Variants in SMARCD3 observed in about 807,000 individuals in gnomAD.
SMARCD3 encodes SWI/SNF related BAF chromatin remodeling complex subunit D3.
Under a neutral mutation model 58.0 loss-of-function variants are expected in SMARCD3, and 14 were observed. That is an observed-to-expected ratio of 0.24 (90% CI 0.16 to 0.38). SMARCD3 has a LOEUF of 0.38. Ranked by LOEUF, SMARCD3 falls within the 10% of genes least tolerant of loss-of-function variation. SMARCD3 has a pLI of 1.00. For missense variants in SMARCD3, 408 were observed against 636.9 expected (o/e 0.64, Z 3.87); for synonymous variants, 253 against 253.8 (o/e 1.00, Z 0.03).
chr7:151,264,138 A>C (rs1159081317), intron 2 of SMARCD3, among the ~76,000 whole-genome samples: 1 of 149,190 alleles, frequency 6.7e-6, no homozygotes, highest in African/African-American at 2.5e-5. Flanking sequence ...GGCTCACTGC[A>C]ACCTCTGCCT....
At position 151,246,305 on chromosome 7, in the gene SMARCD3, C is replaced by G. The variant is rs1373640739; in HGVS notation, c.79-634G>C. Among the ~76,000 whole-genome samples, 1 of 152,176 alleles carries G rather than the reference C, an allele frequency of 6.6e-6. No individual in the cohort carries two copies. The highest frequency in any genetic ancestry group is 1.5e-5 in the Non-Finnish European group (1 of 68,024). On this transcript the variant is annotated intron_variant, in intron 1 of 12. Coordinates refer to ENST00000262188, the MANE Select transcript of SMARCD3 (RefSeq NM_001003801.2). The surrounding 1 kb of genome is among the most constrained non-coding windows in gnomAD (Gnocchi z 4.4). The stretch of plus-strand genomic sequence containing the variant: ...CTCAGCCACTCTGCTCCCTGTGTCC[C>G]TGCTTTTGACCCTTGGGTCCCAAAC...
chr7:151,259,616 T>TTTTTTG (rs1803849176), intron 2 of SMARCD3, among the ~76,000 whole-genome samples: 2 of 125,664 alleles, frequency 1.6e-5, no homozygotes, highest in Non-Finnish European at 3.4e-5. Flanking sequence ...TTTTTTTTTT[T>TTTTTTG]TTTTTTTTTT....
At chr7:151,271,590 A>G (rs985981539) in intron 2 of SMARCD3, among the ~76,000 whole-genome samples, 25 of 152,174 alleles carry the variant, frequency 1.6e-4, no homozygotes, top group African/African-American at 4.8e-4. Context: ...CTCTGTACTT[A>G]ATTTCCAATT....
chr7:151,240,702 A>G, intron 8 of SMARCD3, 180 bp from the exon 9 acceptor site: 5 of 586,664 alleles, frequency 8.5e-6, no homozygotes, highest in Admixed American at 3.0e-5. Context: ...TATGGCTGAC[A>G]AGATAGGGGG....
chr7:151,273,559 AC>A, intron 2 of SMARCD3, among the ~76,000 whole-genome samples: 1 of 152,172 alleles, frequency 6.6e-6, no homozygotes, highest in Non-Finnish European at 1.5e-5. Flanking sequence ...ACTAGTTCTC[AC>A]CTTTTCTTTA....
In SMARCD3 at chr7:151,246,432, G is replaced by A. The variant is rs1258386893; in HGVS notation, c.79-761C>T. On this transcript the variant is annotated intron_variant, in intron 1 of 12. Coordinates refer to ENST00000262188, the MANE Select transcript of SMARCD3 (RefSeq NM_001003801.2). The surrounding 1 kb of genome is among the most constrained non-coding windows in gnomAD (Gnocchi z 4.4). ...AGGGTGAGGGCTGGAGGCAGGGCAG[G>A]CAAGGGCAGCCTGCTGGGGCGCCCC... Among the ~76,000 whole-genome samples, 1 of 152,166 alleles carries A rather than the reference G, an allele frequency of 6.6e-6. No individual in the cohort carries two copies. Among genetic ancestry groups the A allele is most frequent in the African/African-American group, 2.4e-5 (1 of 41,436 alleles).
In SMARCD3 at chr7:151,240,533, A is replaced by G. The variant is rs1469437896; in HGVS notation, c.940-11T>C. On this transcript the variant is annotated splice_polypyrimidine_tract_variant and intron_variant, in intron 8 of 12. Transcript: ENST00000262188. ...GGGACAATCAAAAATCTGAAGCAGG[A>G]CAATTGGGGAGAGAGAGATCACTCT... 4 of 1,590,522 alleles carry G rather than the reference A, an allele frequency of 2.5e-6. No homozygotes were observed. The South Asian group carries it at 4.4e-5, about 18-fold the overall frequency.
chr7:151,261,094 T>G (rs1456772323), intron 2 of SMARCD3, among the ~76,000 whole-genome samples: 1 of 152,156 alleles, frequency 6.6e-6, no homozygotes, highest in African/African-American at 2.4e-5. Context: ...CAAATCCTTG[T>G]AACTAAGGCT....
chr7:151,252,043 G>C (rs1803536053), upstream of SMARCD3, among the ~76,000 whole-genome samples: 1 of 151,938 alleles, frequency 6.6e-6, no homozygotes, highest in South Asian at 2.1e-4. Context: ...CGCGGCGGCC[G>C]GGGAGGCGGC....
chr7:151,240,594 T>G (rs1009411776), intron 8 of SMARCD3, 72 bp from the exon 9 acceptor site: 1 of 1,155,918 alleles, frequency 8.7e-7, no homozygotes, highest in African/African-American at 1.5e-5. Context: ...TAGATCCTTT[T>G]GTTCTAGAAA....
At chr7:151,272,669 C>T (rs191634141) in intron 2 of SMARCD3, among the ~76,000 whole-genome samples, 8 of 152,224 alleles carry the variant, frequency 5.3e-5, no homozygotes, top group South Asian at 2.1e-4. Context: ...GTCAAGAAAC[C>T]GAACGCGCTA....
chr7:151,245,712 G>T lies in SMARCD3; in HGVS notation c.79-41C>A. On this transcript the variant is annotated intron_variant, in intron 1 of 12. Coordinates refer to ENST00000262188, the MANE Select transcript of SMARCD3 (RefSeq NM_001003801.2). The surrounding 1 kb of genome is among the most constrained non-coding windows in gnomAD (Gnocchi z 6.2). ...GGTGAAGCAGAAACGGGCGCCCGTGGGTCAGACCAGGGCCCCCCGCTCCAG... is the reference window on the plus strand; with the variant it reads ...GGTGAAGCAGAAACGGGCGCCCGTGTGTCAGACCAGGGCCCCCCGCTCCAG... 2.1e-6 allele frequency: 1 copy of T among 481,210 alleles called. No individual in the cohort carries two copies. The highest frequency in any genetic ancestry group is 3.3e-6 in the Non-Finnish European group (1 of 303,190). 29.8% of individuals were successfully genotyped at this position (481,210 alleles called of 1,614,324 possible). A position where few individuals can be genotyped will look rare whatever the true frequency, so the allele number is the denominator to read the frequency against.
At chr7:151,275,696 G>A (rs891933403) in intron 1 of SMARCD3, among the ~76,000 whole-genome samples, 8 of 152,178 alleles carry the variant, frequency 5.3e-5, no homozygotes, top group Admixed American at 3.3e-4. Flanking sequence ...CAGGTAGTCA[G>A]CCTGCTCCAT....
At position 151,242,652 on chromosome 7, in the gene SMARCD3, C is replaced by T. The variant is rs372083253; in HGVS notation, c.457-49G>A. On this transcript the variant is annotated intron_variant, in intron 4 of 12. Coordinates refer to ENST00000262188, the MANE Select transcript of SMARCD3 (RefSeq NM_001003801.2). This position sits in a 1 kb window ranked among gnomAD's most constrained non-coding sequence, Gnocchi z 4.7. Reference sequence around the variant, plus strand: ...GGGCGAATGCTGTGTGCTCCCACCCCGACCACCCTGCTTCCCCATCCTGGT... The same window carrying T: ...GGGCGAATGCTGTGTGCTCCCACCCTGACCACCCTGCTTCCCCATCCTGGT... 1.6e-5 allele frequency: 26 copies of T among 1,612,268 alleles called. No homozygotes were observed. The highest frequency in any genetic ancestry group is 8.0e-5 in the African/African-American group (6 of 74,884).
chr7:151,265,263 G>A (rs2150612590), intron 2 of SMARCD3, among the ~76,000 whole-genome samples: 1 of 152,320 alleles, frequency 6.6e-6, no homozygotes, highest in East Asian at 1.9e-4. Context: ...TTACAAGAAA[G>A]GGAAATTTGG....
rs77015780 is a variant in SMARCD3, at chr7:151,272,370, T to C, written c.39+2744A>G. On this transcript the variant is annotated intron_variant, in intron 2 of 13. Transcript: ENST00000356800. The stretch of plus-strand genomic sequence containing the variant: ...TTCTCTACTCTATCTCTGTCTCAGT[T>C]TCCTCACTATATGTATCTTTGCAAA... Among the ~76,000 whole-genome samples the C allele has an allele frequency of 1.6e-3, 244 of 152,262 alleles. 5 individuals are homozygous for C. The East Asian group carries it at 0.041, about 26-fold the overall frequency.
At chr7:151,261,163 C>T (rs539640022) in intron 2 of SMARCD3, among the ~76,000 whole-genome samples, 178 of 152,332 alleles carry the variant, frequency 1.2e-3, no homozygotes, top group Middle Eastern at 3.4e-3. Flanking sequence ...CTGCAGTCCA[C>T]GGTGTGATGG....
At chr7:151,256,998 G>C (rs942892976) in intron 2 of SMARCD3, among the ~76,000 whole-genome samples, 2 of 152,104 alleles carry the variant, frequency 1.3e-5, no homozygotes, top group Admixed American at 1.3e-4. Context: ...AGTTCCCCCA[G>C]CAGCATGCAC....
Position 151,239,149 on chromosome 7 carries a change from T to A in SMARCD3, c.1406A>T (p.Gln469Leu). 1 of 1,614,158 alleles carries A rather than the reference T, an allele frequency of 6.2e-7. No homozygotes were observed. The highest frequency in any genetic ancestry group is 8.5e-7 in the Non-Finnish European group (1 of 1,180,004). Reference protein sequence around the residue: ...VSRYFYCKIQQRRQELEQSLV... With the variant: ...VSRYFYCKIQLRRQELEQSLV... ...CGACTGCTCCAGCTCCTGCCTGCGC[T>A]GCTGGATCTTTAGAGGAAGTGAGAA... The change falls in exon 13 of 13, where the codon CAG (glutamine) becomes CTG (leucine). Residue 469 changes from glutamine (Q) to leucine (L), a missense_variant. Physicochemically the swap from Gln to Leu is moderately radical, Grantham distance 113. Transcript: ENST00000262188. The surrounding 1 kb of genome is among the most constrained non-coding windows in gnomAD (Gnocchi z 7.0).
Sources: allele counts gnomAD v4.1 joint callset (sites outside exome capture counted in the v4.1 genomes callset), GRCh38; gene constraint gnomAD v4.1.1; non-coding constraint Gnocchi (gnomAD v3.1); transcripts MANE v1.5; gene names NCBI Gene and HGNC (gene_info 2026-07-23, HGNC 2026-07-21).